Variants in SERPINB12 observed in about 807,000 individuals in gnomAD.
SERPINB12 encodes the protein serpin B12.
Under a neutral mutation model 41.1 loss-of-function variants are expected in SERPINB12, and 57 were observed. The observed-to-expected ratio is 1.39, with a 90% CI of 1.12 to 1.73. The LOEUF is 1.73. Among genes scored for constraint, SERPINB12 ranks in the 40% most tolerant of loss-of-function variants. SERPINB12 has a pLI of 0.00. For synonymous variants in SERPINB12, 180 were observed against 181.3 expected, an observed-to-expected ratio of 0.99 and a Z score of 0.06; for missense variants, 536 against 501.9, an observed-to-expected ratio of 1.07 and a Z score of -0.65.
At chr18:63,558,255 T>C (rs1910743847) in intron 2 of SERPINB12, 97 bp from the exon 3 acceptor site, 1 of 1,313,716 alleles carries the variant, frequency 7.6e-7, no homozygotes, top group East Asian at 2.4e-5. Context: ...TTTGACTATG[T>C]AATCATTGCC....
the SERPINB12 span, among the ~76,000 whole-genome samples, chr18:63,520,574 C>T: frequency 1.3e-5 from 2 of 151,942 alleles, no homozygotes; most frequent in African/African-American, 4.8e-5. Flanking sequence ...AATTGGGGGA[C>T]TCAGTAGGAG....
intron 2 of SERPINB12, among the ~76,000 whole-genome samples, chr18:63,557,065 C>T (rs934014330): frequency 5.9e-5 from 9 of 152,202 alleles, no homozygotes; most frequent in African/African-American, 2.2e-4. Flanking sequence ...TTACAATGGC[C>T]CACAAGGATC....
upstream of SERPINB12, among the ~76,000 whole-genome samples, chr18:63,542,227 G>A (rs1910287117): frequency 6.6e-6 from 1 of 152,180 alleles, no homozygotes; most frequent in African/African-American, 2.4e-5. Context: ...TTGTTCTAAA[G>A]GAGTGATAAT....
Position 63,568,407 on chromosome 18 carries a change from A to G in SERPINB12, c.*1396A>G, listed in dbSNP as rs571136493. Reference sequence around the variant, plus strand: ...AAAAACAAACAAACAAAAAACCCAAAAAGCCAAAACAAAACCTGAAACCCT... The same window carrying G: ...AAAAACAAACAAACAAAAAACCCAAGAAGCCAAAACAAAACCTGAAACCCT... On this transcript the variant is annotated 3_prime_UTR_variant, in exon 8 of 8. Transcript: ENST00000382768. Among the ~76,000 whole-genome samples the G allele has an allele frequency of 2.0e-5, 3 of 152,092 alleles. No homozygotes were observed. The South Asian group carries it at 6.2e-4, about 32-fold the overall frequency.
At chr18:63,553,605 G>A (rs1028266772) in intron 1 of SERPINB12, among the ~76,000 whole-genome samples, 1 of 152,036 alleles carries the variant, frequency 6.6e-6, no homozygotes, top group African/African-American at 2.4e-5. Context: ...AATAGTGATG[G>A]CCAAATTGCC....
At chr18:63,546,453 C>T (rs921257922) in intron 1 of SERPINB12, among the ~76,000 whole-genome samples, 2 of 152,166 alleles carry the variant, frequency 1.3e-5, no homozygotes, top group African/African-American at 2.4e-5. Context: ...AATAATAATT[C>T]TCATCCCTAC....
the SERPINB12 span, among the ~76,000 whole-genome samples, chr18:63,533,212 G>A: frequency 3.3e-3 from 507 of 152,222 alleles, 6 homozygotes; most frequent in African/African-American, 0.011. Context: ...CCCTAACCTC[G>A]TGATCCGCCC....
chr18:63,519,950 A>G, the SERPINB12 span, among the ~76,000 whole-genome samples: 22 of 152,092 alleles, frequency 1.4e-4, no homozygotes, highest in Non-Finnish European at 2.6e-4. Flanking sequence ...GGGCTGGCTC[A>G]TTGTCATGGA....
At chr18:63,560,252 T>G (rs1469117646) in intron 4 of SERPINB12, among the ~76,000 whole-genome samples, 1 of 152,212 alleles carries the variant, frequency 6.6e-6, no homozygotes. Flanking sequence ...GCTTCGTACC[T>G]AGAGCAAGCT....
upstream of SERPINB12, among the ~76,000 whole-genome samples, chr18:63,540,794 G>A (rs541797462): frequency 2.9e-4 from 44 of 152,202 alleles, no homozygotes; most frequent in South Asian, 9.1e-3. Context: ...TTAATTAATA[G>A]GAGAATGGAT....
intron 4 of SERPINB12, 143 bp downstream of exon 4, chr18:63,559,861 A>G: frequency 1.3e-6 from 1 of 760,290 alleles, no homozygotes; most frequent in Non-Finnish European, 2.1e-6. Context: ...GGTGTCCAGG[A>G]CCTCCCTCTT....
intron 3 of SERPINB12, among the ~76,000 whole-genome samples, chr18:63,559,341 T>C (rs144806320): frequency 1.3e-5 from 2 of 152,102 alleles, no homozygotes; most frequent in African/African-American, 2.4e-5. Context: ...TCCCCAGATG[T>C]ATTTTTCCTG....
the SERPINB12 span, among the ~76,000 whole-genome samples, chr18:63,536,665 G>A: frequency 2.8e-4 from 42 of 152,048 alleles, no homozygotes; most frequent in Admixed American, 2.4e-3. Flanking sequence ...TGGTTAGATT[G>A]GACAGAACGA....
At chr18:63,525,296 A>G in the SERPINB12 span, among the ~76,000 whole-genome samples, 3 of 152,102 alleles carry the variant, frequency 2.0e-5, no homozygotes, top group Non-Finnish European at 4.4e-5. Flanking sequence ...TTTCTGGTAC[A>G]CTTTGTGTAC....
At chr18:63,535,369 A>G in the SERPINB12 span, among the ~76,000 whole-genome samples, 1 of 152,164 alleles carries the variant, frequency 6.6e-6, no homozygotes, top group African/African-American at 2.4e-5. Flanking sequence ...GGAACATGAT[A>G]TGCCTCCCGA....
At chr18:63,550,625 G>A (rs1218811968) in intron 1 of SERPINB12, among the ~76,000 whole-genome samples, 1 of 152,136 alleles carries the variant, frequency 6.6e-6, no homozygotes, top group Non-Finnish European at 1.5e-5. Context: ...ACCAGTACCA[G>A]CTTCCTAGAA....
the SERPINB12 span, among the ~76,000 whole-genome samples, chr18:63,530,067 C>T: frequency 2.0e-5 from 3 of 152,230 alleles, no homozygotes; most frequent in South Asian, 6.2e-4. Context: ...GTCACTGTCC[C>T]TGTTCAAACA....
rs982771946 is a variant in SERPINB12 at position 63,568,401 on chromosome 18, A to G, written c.*1390A>G. ...GTCTCAAAAAACAAACAAACAAAAA[A>G]CCCAAAAAGCCAAAACAAAACCTGA... On this transcript the variant is annotated 3_prime_UTR_variant, in exon 8 of 8. Coordinates refer to ENST00000382768, the MANE Select transcript of SERPINB12 (RefSeq NM_001307928.2). Among the ~76,000 whole-genome samples, 1 of 151,650 alleles carries G rather than the reference A, an allele frequency of 6.6e-6. No homozygotes were observed. Among genetic ancestry groups the G allele is most frequent in the Non-Finnish European group, 1.5e-5 (1 of 67,882 alleles).
At chr18:63,522,969 T>A in the SERPINB12 span, among the ~76,000 whole-genome samples, 1 of 152,128 alleles carries the variant, frequency 6.6e-6, no homozygotes, top group South Asian at 2.1e-4. Flanking sequence ...AAATCTAACA[T>A]CAGATATCAT....
Sources: gnomAD v4.1 joint callset for allele counts (sites outside exome capture counted in the v4.1 genomes callset) on GRCh38, gnomAD v4.1.1 for gene constraint, MANE v1.5 for transcripts, NCBI Gene and HGNC (gene_info 2026-07-23, HGNC 2026-07-21) for gene names.